Variants in UACA observed in about 807,000 individuals in gnomAD.
The protein encoded by UACA is uveal autoantigen with coiled-coil domains and ankyrin repeats.
UACA carries 112 observed loss-of-function variants against 160.5 expected under a neutral mutation model. The ratio of observed to expected loss-of-function variants is 0.70; its 90% CI spans 0.60 to 0.82. UACA has a LOEUF of 0.82. UACA is among the 40% of genes least tolerant of loss of function. The pLI, the probability that UACA is intolerant of heterozygous loss-of-function variation, is 0.00. For missense variants in UACA, 1,574 were observed against 1,614.6 expected (o/e 0.97, Z 0.43); for synonymous variants, 557 against 568.4 (o/e 0.98, Z 0.29).
the UACA span, among the ~76,000 whole-genome samples, chr15:70,770,573 C>T: frequency 6.6e-6 from 1 of 152,196 alleles, no homozygotes; most frequent in African/African-American, 2.4e-5. Context: ...AATACCAACA[C>T]ATGCTGAACT....
chr15:70,763,483 G>A lies in UACA; in HGVS notation c.-76C>T, dbSNP rs1455947274. 4.8e-6 allele frequency: 6 copies of A among 1,260,134 alleles called. No individual in the cohort carries two copies. Among genetic ancestry groups the A allele is most frequent in the Admixed American group, 4.2e-5 (1 of 23,652 alleles). The allele number at this position is 1,260,134 out of a possible 1,614,324, so 78.1% of individuals were successfully genotyped here. A position where few individuals can be genotyped will look rare whatever the true frequency, so the allele number is the denominator to read the frequency against. On this transcript the variant is annotated 5_prime_UTR_variant, in exon 1 of 19. Coordinates refer to ENST00000322954, the MANE Select transcript of UACA (RefSeq NM_018003.4). ...AGCGCGCAAGGAGTAGACGGCAGCG[G>A]CTGCAGCAGAGGCGGCGCGGGCTGT...
At chr15:70,671,861 A>C in intron 14 of UACA, 104 bp downstream of exon 14, 1 of 894,832 alleles carries the variant, frequency 1.1e-6, no homozygotes, top group Non-Finnish European at 1.6e-6. Flanking sequence ...AGCAGCAGGA[A>C]TATCTTGTAC....
intron 1 of UACA, chr15:70,749,164 G>A (rs1422269742): frequency 2.4e-6 from 1 of 419,710 alleles, no homozygotes; most frequent in Non-Finnish European, 4.8e-6. Flanking sequence ...TAGCATGCAG[G>A]TGGATCCTAG....
chr15:70,687,794 G>C lies in UACA; in HGVS notation c.451C>G (p.Gln151Glu), dbSNP rs141940448. The change falls in exon 6 of 19, where the codon CAG (glutamine) becomes GAG (glutamate). Residue 151 changes from glutamine to glutamate, a missense_variant. Coordinates refer to ENST00000322954, the MANE Select transcript of UACA (RefSeq NM_018003.4). ...GAGGCCCCATGGTCACAAAGCAGCT[G>C]TATGCTAGAAGGACAATCTGCCATT... ...AAMADCPSSI[Q>E]LLCDHGASVN... 10 of 1,613,664 alleles carry C rather than the reference G, an allele frequency of 6.2e-6. No individual in the cohort carries two copies. The African/African-American group carries it at 1.3e-4, about 22-fold the overall frequency.
At chr15:70,738,760 C>T (rs924715351) in intron 1 of UACA, among the ~76,000 whole-genome samples, 1 of 152,180 alleles carries the variant, frequency 6.6e-6, no homozygotes, top group Admixed American at 6.5e-5. Flanking sequence ...TCTATTGCTG[C>T]AAAACTGAAA....
At chr15:70,727,086 A>G (rs1899167146) in intron 1 of UACA, among the ~76,000 whole-genome samples, 1 of 152,220 alleles carries the variant, frequency 6.6e-6, no homozygotes, top group African/African-American at 2.4e-5. Context: ...AGGCTGTAGT[A>G]TAAGAAGGTT....
intron 16 of UACA, 33 bp from the exon 17 acceptor site, chr15:70,664,847 T>C: frequency 6.3e-7 from 1 of 1,580,594 alleles, no homozygotes; most frequent in South Asian, 1.1e-5. Flanking sequence ...AAATATATTA[T>C]TCACTTATCA....
intron 9 of UACA, chr15:70,681,981 AG>A (rs1255130267): frequency 2.6e-5 from 4 of 152,324 alleles, no homozygotes; most frequent in Non-Finnish European, 4.4e-5. Context: ...CTTTCTCTTC[AG>A]GGTTTGCAAA....
chr15:70,777,252 GAGA>G, the UACA span, among the ~76,000 whole-genome samples: 7 of 152,160 alleles, frequency 4.6e-5, no homozygotes, highest in South Asian at 1.0e-3. Context: ...GGAGGAAATA[GAGA>G]AGGTCAGGAG....
In UACA at chr15:70,669,279, G is replaced by A. The variant is rs1469993608; in HGVS notation, c.1405C>T (p.His469Tyr). 1.2e-6 allele frequency: 2 copies of A among 1,613,984 alleles called. No individual in the cohort carries two copies. Among genetic ancestry groups the A allele is most frequent in the Non-Finnish European group, 1.7e-6 (2 of 1,179,964 alleles). The change falls in exon 16 of 19, where the codon CAC (histidine) becomes TAC (tyrosine). Residue 469 changes from histidine (H) to tyrosine (Y), a missense_variant. Physicochemically the swap from His to Tyr is moderately conservative, Grantham distance 83 (BLOSUM62 2). Coordinates refer to ENST00000322954, the MANE Select transcript of UACA (RefSeq NM_018003.4). ...DRLKLQNELA[H>Y]KVAECKALAL... The stretch of plus-strand genomic sequence containing the variant: ...AAAGCTTTGCATTCTGCCACTTTGT[G>A]TGCCAGTTCATTTTGGAGCTTCAGT...
chr15:70,664,583 AT>A (rs2140893408), intron 17 of UACA, 78 bp downstream of exon 17: 2 of 1,491,588 alleles, frequency 1.3e-6, no homozygotes, highest in East Asian at 4.6e-5. Context: ...GAGCACTTTA[AT>A]TTCTAAATGA....
At chr15:70,751,815 G>A (rs2030078917) in intron 1 of UACA, among the ~76,000 whole-genome samples, 1 of 151,872 alleles carries the variant, frequency 6.6e-6, no homozygotes, top group South Asian at 2.1e-4. Flanking sequence ...CATTTTCCTT[G>A]TTTACCTACT....
At chr15:70,763,762 A>G (rs1230268495), upstream of UACA, among the ~76,000 whole-genome samples, 1 of 152,256 alleles carries the variant, frequency 6.6e-6, no homozygotes, top group Non-Finnish European at 1.5e-5. Flanking sequence ...AGAGGCGTGG[A>G]GATGCGCGCA....
intron 1 of UACA, among the ~76,000 whole-genome samples, chr15:70,740,451 TAAA>T (rs10710615): frequency 6.9e-6 from 1 of 144,884 alleles, no homozygotes; most frequent in African/African-American, 2.5e-5. Context: ...TTGTCTCTAT[TAAA>T]AAAAAAAAAA....
At position 70,668,854 on chromosome 15, in the gene UACA, T is replaced by C. The variant is rs762372831; in HGVS notation, c.1830A>G (p.Thr610=). Residue 610 remains threonine (T), a synonymous_variant, in exon 16 of 19, where the codon ACA becomes ACG. Transcript: ENST00000322954. The part of the protein sequence containing the change: ...MEREKKGRKV[T]EMEGQAKELS... Reference sequence around the variant, plus strand: ...ATTCTTTTGCCTGGCCTTCCATCTCTGTGACCTTTCTTCCTTTCTTCTCTC... The same window carrying C: ...ATTCTTTTGCCTGGCCTTCCATCTCCGTGACCTTTCTTCCTTTCTTCTCTC... The C allele has an allele frequency of 2.5e-6, 4 of 1,613,862 alleles. No individual in the cohort carries two copies. Among genetic ancestry groups the C allele is most frequent in the Non-Finnish European group, 3.4e-6 (4 of 1,179,996 alleles).
chr15:70,685,685 CATAG>C (rs1201270474), intron 7 of UACA, among the ~76,000 whole-genome samples: 5 of 152,052 alleles, frequency 3.3e-5, no homozygotes, highest in Admixed American at 2.0e-4. Flanking sequence ...AATGAAAAAA[CATAG>C]ATAAAGTGCT....
chr15:70,750,319 A>G (rs1203625688), intron 1 of UACA, among the ~76,000 whole-genome samples: 1 of 152,182 alleles, frequency 6.6e-6, no homozygotes, highest in Non-Finnish European at 1.5e-5. Context: ...AGAAGTCCCA[A>G]CAACTCTTGA....
intron 18 of UACA, 105 bp from the exon 19 acceptor site, chr15:70,657,232 A>C (rs1896504940): frequency 1.2e-6 from 1 of 848,814 alleles, no homozygotes; most frequent in African/African-American, 1.7e-5. Context: ...TTGATTCATC[A>C]AATGCTAAAT....
chr15:70,669,213 G>C lies in UACA; in HGVS notation c.1471C>G (p.Gln491Glu), dbSNP rs778596630. 27 of 1,613,826 alleles carry C rather than the reference G, an allele frequency of 1.7e-5. No homozygotes were observed. Among genetic ancestry groups the C allele is most frequent in the Non-Finnish European group, 2.3e-5 (27 of 1,179,996 alleles). Residue 491 changes from glutamine (Q) to glutamate (E), a missense_variant, in exon 16 of 19, where the codon CAG (glutamine) becomes GAG (glutamate). Coordinates refer to ENST00000322954, the MANE Select transcript of UACA (RefSeq NM_018003.4). ...CERVKEDSDE[Q>E]IKQLEDALKD... is the part of the protein sequence containing the mutation. ...AATGCATCTTCTAATTGCTTTATCT[G>C]TTCATCTGAATCCTCCTTGACCCTT...
Sources: gnomAD v4.1 joint callset for allele counts (sites outside exome capture counted in the v4.1 genomes callset) on GRCh38, gnomAD v4.1.1 for gene constraint, MANE v1.5 for transcripts, NCBI Gene and HGNC (gene_info 2026-07-23, HGNC 2026-07-21) for gene names.